Variants in SPAG16 observed in about 807,000 individuals in gnomAD.
SPAG16 encodes sperm-associated antigen 16 protein.
Under a neutral mutation model 80.4 loss-of-function variants are expected in SPAG16, and 86 were observed. The observed-to-expected ratio is 1.07, with a 90% CI of 0.90 to 1.28. The LOEUF (loss-of-function observed/expected upper bound fraction) is 1.28. Ranked by LOEUF, SPAG16 falls within the 50% of genes most tolerant of loss-of-function variation. The pLI is 0.00. For synonymous variants in SPAG16, 294 were observed against 265.9 expected, an observed-to-expected ratio of 1.11 and a Z score of -1.03; for missense variants, 870 against 765.3, an observed-to-expected ratio of 1.14 and a Z score of -1.61.
chr2:213,513,070 T>C (rs1470271667), intron 10 of SPAG16, among the ~76,000 whole-genome samples: 35 of 152,210 alleles, frequency 2.3e-4, no homozygotes, highest in Admixed American at 2.3e-3. Context: ...CTATACCTGA[T>C]GTCATGCTGT....
chr2:213,745,728 C>A (rs13007000), intron 10 of SPAG16, among the ~76,000 whole-genome samples: 68,569 of 151,952 alleles, frequency 0.45, 16,934 homozygotes, highest in Non-Finnish European at 0.55. Context: ...TATTCAAATG[C>A]CATAATTATA....
intron 10 of SPAG16, among the ~76,000 whole-genome samples, chr2:213,774,309 T>C (rs1268291593): frequency 6.6e-6 from 1 of 152,224 alleles, no homozygotes; most frequent in Non-Finnish European, 1.5e-5. Flanking sequence ...GACATAATCC[T>C]TACGAAAACT....
At chr2:214,014,984 T>C (rs1013814102) in intron 13 of SPAG16, among the ~76,000 whole-genome samples, 21 of 152,158 alleles carry the variant, frequency 1.4e-4, no homozygotes, top group Admixed American at 9.8e-4. Context: ...CAGGAATTTA[T>C]GCTGAGTTGG....
intron 11 of SPAG16, among the ~76,000 whole-genome samples, chr2:213,873,708 T>A (rs1343613955): frequency 6.6e-6 from 1 of 152,070 alleles, no homozygotes; most frequent in Non-Finnish European, 1.5e-5. Flanking sequence ...TATCAAAATA[T>A]TTTCAGATTT....
chr2:213,935,613 G>C (rs1015099914), intron 12 of SPAG16, among the ~76,000 whole-genome samples: 4 of 152,182 alleles, frequency 2.6e-5, no homozygotes, highest in Admixed American at 2.6e-4. Context: ...ACTGTTGTAA[G>C]TGTCTCCATT....
intron 10 of SPAG16, among the ~76,000 whole-genome samples, chr2:213,662,312 C>T (rs2125187469): frequency 6.6e-6 from 1 of 152,138 alleles, no homozygotes; most frequent in African/African-American, 2.4e-5. Context: ...AAGGATTAGC[C>T]TATGCAAGAA....
intron 15 of SPAG16, among the ~76,000 whole-genome samples, chr2:214,349,195 C>A (rs1698250120): frequency 6.6e-6 from 1 of 152,158 alleles, no homozygotes; most frequent in Non-Finnish European, 1.5e-5. Flanking sequence ...CCCCAGAATC[C>A]TTGAATTCCC....
chr2:213,391,089 G>A (rs2067726713), intron 9 of SPAG16, among the ~76,000 whole-genome samples: 1 of 152,094 alleles, frequency 6.6e-6, no homozygotes, highest in East Asian at 1.9e-4. Context: ...CCAATATGGT[G>A]AAACCCCGTC....
At chr2:214,161,257 G>T (rs891608313) in intron 15 of SPAG16, among the ~76,000 whole-genome samples, 1 of 152,070 alleles carries the variant, frequency 6.6e-6, no homozygotes, top group African/African-American at 2.4e-5. Flanking sequence ...GTGCTGCAAT[G>T]CATATATGTA....
chr2:213,627,563 A>G (rs1039643819), intron 10 of SPAG16, among the ~76,000 whole-genome samples: 1 of 152,148 alleles, frequency 6.6e-6, no homozygotes, highest in Admixed American at 6.5e-5. Flanking sequence ...TATTTTAGCA[A>G]TTTCAATGTG....
At chr2:213,386,734 A>C (rs2067448900) in intron 9 of SPAG16, among the ~76,000 whole-genome samples, 1 of 152,134 alleles carries the variant, frequency 6.6e-6, no homozygotes, top group Admixed American at 6.5e-5. Context: ...TTTTCTCTTG[A>C]ATTAGGGGAA....
At chr2:213,459,682 T>C (rs1208121384) in intron 9 of SPAG16, among the ~76,000 whole-genome samples, 1 of 152,234 alleles carries the variant, frequency 6.6e-6, no homozygotes, top group African/African-American at 2.4e-5. Flanking sequence ...CAGCCAAAGA[T>C]TCAGAAGAAA....
At chr2:213,953,595 A>G (rs1431782547) in intron 12 of SPAG16, among the ~76,000 whole-genome samples, 5 of 151,902 alleles carry the variant, frequency 3.3e-5, no homozygotes, top group Non-Finnish European at 5.9e-5. Context: ...AAATTGAGAA[A>G]TCAATTTAAG....
intron 15 of SPAG16, among the ~76,000 whole-genome samples, chr2:214,319,416 C>A (rs1462895542): frequency 6.7e-6 from 1 of 149,458 alleles, no homozygotes; most frequent in Non-Finnish European, 1.5e-5. Flanking sequence ...GAGAGAAGAG[C>A]AGAAGAGAAG....
At chr2:214,076,659 A>G (rs1310475530) in intron 13 of SPAG16, among the ~76,000 whole-genome samples, 1 of 152,036 alleles carries the variant, frequency 6.6e-6, no homozygotes, top group Non-Finnish European at 1.5e-5. Flanking sequence ...TAGTTTTAAA[A>G]TATGGTAGCA....
intron 9 of SPAG16, among the ~76,000 whole-genome samples, chr2:213,458,094 C>T (rs16850366): frequency 0.074 from 11,254 of 152,000 alleles, 1,374 homozygotes; most frequent in African/African-American, 0.25. Flanking sequence ...TGCTATTCTA[C>T]TATTGCCACA....
At chr2:213,811,560 T>C (rs1261988154) in intron 10 of SPAG16, among the ~76,000 whole-genome samples, 8 of 152,268 alleles carry the variant, frequency 5.3e-5, no homozygotes, top group African/African-American at 1.9e-4. Flanking sequence ...TTCCTCACCA[T>C]GTTTCTTCTA....
At chr2:213,845,525 G>A (rs1397869368) in intron 10 of SPAG16, among the ~76,000 whole-genome samples, 1 of 152,072 alleles carries the variant, frequency 6.6e-6, no homozygotes, top group Non-Finnish European at 1.5e-5. Flanking sequence ...AACATGAACA[G>A]TATTAATAAG....
intron 12 of SPAG16, 73 bp from the exon 13 acceptor site, chr2:214,013,878 A>T: frequency 1.4e-6 from 2 of 1,439,930 alleles, no homozygotes; most frequent in Non-Finnish European, 1.9e-6. Context: ...TCAGTTCCTT[A>T]AATTATTTTT....
Sources: gnomAD v4.1 joint callset for allele counts (sites outside exome capture counted in the v4.1 genomes callset) on GRCh38, gnomAD v4.1.1 for gene constraint, MANE v1.5 for transcripts, NCBI Gene and HGNC (gene_info 2026-07-23, HGNC 2026-07-21) for gene names.